The following ATP11C variants were observed in gnomAD, a reference collection of about 807,000 sequenced individuals.
ATP11C encodes ATPase phospholipid transporting 11C (ATP11C blood group).
A neutral mutation model predicts 97.4 loss-of-function variants in ATP11C; 36 were observed. That is an observed-to-expected ratio of 0.37 (90% CI 0.28 to 0.49). The LOEUF is 0.49. Ranked by LOEUF, ATP11C falls within the 20% of genes least tolerant of loss-of-function variation. The pLI is 0.98. For synonymous variants in ATP11C, 275 were observed against 290.9 expected (o/e 0.95, Z 0.56); for missense variants, 730 against 824.6 (o/e 0.89, Z 1.40).
At chrX:139,735,993 C>A (rs771238343) in intron 28 of ATP11C, among the ~76,000 whole-genome samples, 11 of 111,483 alleles carry the variant, frequency 9.9e-5, no homozygotes, top group Non-Finnish European at 3.8e-5. Flanking sequence ...GGAAATTTTC[C>A]TGGTTGTTCT....
At chrX:139,841,491 T>C (rs1236611250) in intron 1 of ATP11C, among the ~76,000 whole-genome samples, 1 of 112,609 alleles carries the variant, frequency 8.9e-6, no homozygotes, top group Non-Finnish European at 1.9e-5. Flanking sequence ...TACAAGGGCT[T>C]GGAGAAGAAA....
intron 1 of ATP11C, among the ~76,000 whole-genome samples, chrX:139,834,306 C>G (rs141632263): frequency 1.8e-5 from 2 of 111,357 alleles, no homozygotes; most frequent in African/African-American, 6.5e-5. Flanking sequence ...GAACATATAC[C>G]GTTAGTATTT....
At chrX:139,767,162 C>T (rs1045881351) in intron 20 of ATP11C, among the ~76,000 whole-genome samples, 1 of 111,071 alleles carries the variant, frequency 9.0e-6, no homozygotes, top group Non-Finnish European at 1.9e-5. Context: ...TGAAAGTGTC[C>T]GAAAAAGAAT....
chrX:139,933,674 C>T (rs2085486470), upstream of ATP11C, among the ~76,000 whole-genome samples: 1 of 112,432 alleles, frequency 8.9e-6, no homozygotes, highest in African/African-American at 3.2e-5. Flanking sequence ...CGTTCTCCTG[C>T]CAGTTTAGAG....
At chrX:139,861,313 AT>A in intron 1 of ATP11C, among the ~76,000 whole-genome samples, 1 of 112,139 alleles carries the variant, frequency 8.9e-6, no homozygotes, top group South Asian at 3.7e-4. Context: ...TTTCATAAAC[AT>A]TTTAAATTAA....
At position 139,869,815 on chromosome X, in the gene ATP11C, A is replaced by ATAG. The variant is rs1432097999; in HGVS notation, c.28-42993_28-42992insCTA. 5.0e-5 allele frequency among the ~76,000 whole-genome samples: 5 copies of ATAG among 100,997 alleles called. No homozygotes were observed. In the East Asian group the frequency reaches 1.2e-3, roughly 24 times the overall value. 87.7% of individuals were successfully genotyped at this position (100,997 alleles called of 115,157 possible). A position where few individuals can be genotyped will look rare whatever the true frequency, so the allele number is the denominator to read the frequency against. ...TCTCAAAATAATAATAATAATAATA[A>ATAG]TAATATAATATAATAAGTTCTGGGA... On this transcript the variant is annotated intron_variant, in intron 1 of 29. Coordinates refer to ENST00000682941, the MANE Select transcript of ATP11C (RefSeq NM_001353812.2).
chrX:139,776,975 C>T (rs1157466100), intron 18 of ATP11C, among the ~76,000 whole-genome samples: 1 of 111,452 alleles, frequency 9.0e-6, no homozygotes, highest in Non-Finnish European at 1.9e-5. Flanking sequence ...CAATCATACA[C>T]AACATATACC....
intron 1 of ATP11C, among the ~76,000 whole-genome samples, chrX:139,920,350 CAAA>C (rs765081033): frequency 1.4e-4 from 8 of 56,758 alleles, no homozygotes; most frequent in Non-Finnish European, 1.0e-4. Flanking sequence ...GACTCCACCT[CAAA>C]AAAAAAAAAA....
chrX:139,746,481 A>G (rs759251480), intron 24 of ATP11C, among the ~76,000 whole-genome samples: 19 of 112,155 alleles, frequency 1.7e-4, no homozygotes, highest in African/African-American at 4.2e-4. Context: ...GAGCTAATAT[A>G]CAATCCTGGA....
At chrX:139,881,478 T>A (rs999797545) in intron 1 of ATP11C, among the ~76,000 whole-genome samples, 2 of 110,769 alleles carry the variant, frequency 1.8e-5, no homozygotes, top group Non-Finnish European at 3.8e-5. Context: ...AGGCGGCCGG[T>A]AGCAATTCTA....
intron 1 of ATP11C, among the ~76,000 whole-genome samples, chrX:139,897,209 G>A (rs1471936725): frequency 9.0e-6 from 1 of 111,167 alleles, no homozygotes; most frequent in African/African-American, 3.3e-5. Context: ...CTGAGAGAGA[G>A]TGAGACCCTG....
chrX:139,928,581 G>A (rs1007996680), intron 1 of ATP11C, among the ~76,000 whole-genome samples: 1 of 111,689 alleles, frequency 9.0e-6, no homozygotes, highest in African/African-American at 3.3e-5. Context: ...CAATAAATTA[G>A]CTACCTATTT....
chrX:139,864,144 C>T (rs1008754955), intron 1 of ATP11C, among the ~76,000 whole-genome samples: 1 of 111,749 alleles, frequency 8.9e-6, no homozygotes, highest in Non-Finnish European at 1.9e-5. Context: ...CATATGTGAC[C>T]ATATTAAGGA....
chrX:139,906,716 A>G (rs1178685551), intron 1 of ATP11C, among the ~76,000 whole-genome samples: 2 of 109,211 alleles, frequency 1.8e-5, no homozygotes, highest in African/African-American at 6.7e-5. Context: ...CGGGGAGCAG[A>G]GGTTGCAGTG....
chrX:139,906,427 G>GAAAAAAA (rs5904006), intron 1 of ATP11C, among the ~76,000 whole-genome samples: 1 of 96,589 alleles, frequency 1.0e-5, no homozygotes, highest in Non-Finnish European at 2.0e-5. Context: ...CAAAAAAAAC[G>GAAAAAAA]AAAAAAAAAA....
intron 1 of ATP11C, among the ~76,000 whole-genome samples, chrX:139,892,892 C>G (rs976213126): frequency 8.9e-6 from 1 of 111,789 alleles, no homozygotes; most frequent in Admixed American, 9.5e-5. Context: ...CTCACACAGT[C>G]CCCCCAACAT....
chrX:139,909,429 G>A (rs1199735667), intron 1 of ATP11C, among the ~76,000 whole-genome samples: 2 of 110,946 alleles, frequency 1.8e-5, no homozygotes, highest in Non-Finnish European at 3.8e-5. Flanking sequence ...TATTGCGCCC[G>A]GCCCACACTG....
rs897908374 is a variant in ATP11C, at chrX:139,820,379, C to T, written c.148-952G>A. Among the ~76,000 whole-genome samples, 7 of 110,047 alleles carry T rather than the reference C, an allele frequency of 6.4e-5. No homozygotes were observed. In the East Asian group the frequency reaches 8.6e-4, roughly 13 times the overall value. On this transcript the variant is annotated intron_variant, in intron 2 of 29. Transcript: ENST00000682941. ...TGGTGCCACTGCACTCCAGCCTGGG[C>T]GACAAAGTGAGACCTGCCTCAAAAA...
intron 5 of ATP11C, among the ~76,000 whole-genome samples, chrX:139,806,784 A>G (rs1047333210): frequency 3.6e-5 from 4 of 111,644 alleles, no homozygotes; most frequent in Non-Finnish European, 7.5e-5. Flanking sequence ...GTGAAGAAAT[A>G]GGCACAAAAA....
Sources: gnomAD v4.1 joint callset for allele counts (sites outside exome capture counted in the v4.1 genomes callset) on GRCh38, gnomAD v4.1.1 for gene constraint, MANE v1.5 for transcripts, NCBI Gene and HGNC (gene_info 2026-07-23, HGNC 2026-07-21) for gene names.